The following GALNT13 variants were observed in gnomAD, a reference collection of about 807,000 sequenced individuals.
The protein encoded by GALNT13 is UDP-GalNAc:polypeptide N-acetylgalactosaminyltransferase 13.
Under a neutral mutation model 64.2 loss-of-function variants are expected in GALNT13, and 28 were observed. The observed-to-expected ratio is 0.44, with a 90% CI of 0.32 to 0.60. GALNT13 has a LOEUF of 0.60. Among genes scored for constraint, GALNT13 ranks in the 20% least tolerant of loss-of-function variants. GALNT13 has a pLI of 0.05. For missense variants in GALNT13, 577 were observed against 669.8 expected (o/e 0.86, Z 1.53); for synonymous variants, 214 against 224.6 (o/e 0.95, Z 0.42).
the GALNT13 span, among the ~76,000 whole-genome samples, chr2:153,527,255 T>A: frequency 6.6e-6 from 1 of 151,330 alleles, no homozygotes. Flanking sequence ...ATAATCAAAC[T>A]CCTAAAAATA....
chr2:153,368,931 A>T, the GALNT13 span, among the ~76,000 whole-genome samples: 1 of 152,082 alleles, frequency 6.6e-6, no homozygotes, highest in Admixed American at 6.6e-5. Context: ...GCAAAAAAAA[A>T]AACTTTAATA....
chr2:153,858,183 A>C, the GALNT13 span, among the ~76,000 whole-genome samples: 3 of 152,196 alleles, frequency 2.0e-5, no homozygotes, highest in African/African-American at 4.8e-5. Flanking sequence ...AAGAGCAACT[A>C]TATGGGATAA....
In GALNT13 at chr2:154,453,405, C is replaced by G. The variant is rs1184633124; in HGVS notation, c.*2854C>G. ...CTTTTTCTAACACCATCTCTTATCT[C>G]TCATTATTCTGCCTCTTACTTACCC... On this transcript the variant is annotated 3_prime_UTR_variant, in exon 13 of 13. Coordinates refer to ENST00000392825, the MANE Select transcript of GALNT13 (RefSeq NM_052917.4). 1 of 152,274 alleles carries G rather than the reference C, an allele frequency of 6.6e-6. No individual in the cohort carries two copies. Among genetic ancestry groups the G allele is most frequent in the East Asian group, 1.9e-4 (1 of 5,182 alleles). The allele number at this position is 152,274 out of a possible 1,614,324, so 9.4% of individuals were successfully genotyped here. A position where few individuals can be genotyped will look rare whatever the true frequency, so the allele number is the denominator to read the frequency against.
rs1193097334 is a variant in GALNT13, at chr2:154,315,750, A to T, written c.1156+14161A>T. Among the ~76,000 whole-genome samples the T allele has an allele frequency of 2.0e-5, 3 of 152,206 alleles. No individual in the cohort carries two copies. The East Asian group carries it at 5.8e-4, about 29-fold the overall frequency. On this transcript the variant is annotated intron_variant, in intron 9 of 12. Coordinates refer to ENST00000392825, the MANE Select transcript of GALNT13 (RefSeq NM_052917.4). Reference sequence around the variant, plus strand: ...AACTGGAGTTTCAAAATAATGAAAGACTTATTGTTGGTTACTTCAGTTCAG... The same window carrying T: ...AACTGGAGTTTCAAAATAATGAAAGTCTTATTGTTGGTTACTTCAGTTCAG...
chr2:153,398,667 A>T, the GALNT13 span, among the ~76,000 whole-genome samples: 169 of 152,262 alleles, frequency 1.1e-3, 1 homozygote, highest in African/African-American at 3.8e-3. Flanking sequence ...ATTTCTCTGA[A>T]GGCCAGTGAT....
chr2:153,814,683 C>T, the GALNT13 span, among the ~76,000 whole-genome samples: 3 of 152,102 alleles, frequency 2.0e-5, no homozygotes, highest in African/African-American at 7.2e-5. Flanking sequence ...ACAGAAAGGC[C>T]TCCTCTCCCT....
At chr2:153,389,774 C>A in the GALNT13 span, among the ~76,000 whole-genome samples, 3 of 151,966 alleles carry the variant, frequency 2.0e-5, no homozygotes, top group East Asian at 1.9e-4. Flanking sequence ...GGGCTAGAGG[C>A]GAATACCTGG....
chr2:153,217,732 T>G, the GALNT13 span, among the ~76,000 whole-genome samples: 3 of 152,172 alleles, frequency 2.0e-5, no homozygotes, highest in Admixed American at 6.5e-5. Context: ...TTTCCCCCTG[T>G]TTCTCTTAAA....
At chr2:153,149,178 G>A in the GALNT13 span, among the ~76,000 whole-genome samples, 5 of 151,746 alleles carry the variant, frequency 3.3e-5, no homozygotes, top group African/African-American at 1.2e-4. Flanking sequence ...AGATAATCTA[G>A]GCAGATAATT....
At chr2:153,169,946 C>G in the GALNT13 span, among the ~76,000 whole-genome samples, 3 of 151,996 alleles carry the variant, frequency 2.0e-5, no homozygotes, top group Admixed American at 2.0e-4. Flanking sequence ...ATGTAACTGC[C>G]CTTATCCAAA....
At chr2:153,639,757 G>T in the GALNT13 span, among the ~76,000 whole-genome samples, 1 of 152,162 alleles carries the variant, frequency 6.6e-6, no homozygotes, top group South Asian at 2.1e-4. Flanking sequence ...CTAAAGGGAA[G>T]GAAAATTGTA....
rs759459026 is a variant in GALNT13 at position 154,424,164 on chromosome 2, G to A, written c.1396-14428G>A. Among the ~76,000 whole-genome samples, 32 of 152,224 alleles carry A rather than the reference G, an allele frequency of 2.1e-4. No individual in the cohort carries two copies. The Middle Eastern group carries it at 0.01, about 49-fold the overall frequency. ...GAAAAAAGGAGCATGGATTGGATTCGTAGGGGAACATGATGGAAAACCTAA... is the reference window on the plus strand; with the variant it reads ...GAAAAAAGGAGCATGGATTGGATTCATAGGGGAACATGATGGAAAACCTAA... On this transcript the variant is annotated intron_variant, in intron 11 of 12. Transcript: ENST00000392825.
the GALNT13 span, among the ~76,000 whole-genome samples, chr2:153,440,527 C>T: frequency 1.3e-5 from 2 of 152,200 alleles, 1 homozygote; most frequent in South Asian, 4.1e-4. Flanking sequence ...AATCACCACA[C>T]TGTTTTCCAC....
chr2:153,559,516 G>C, the GALNT13 span, among the ~76,000 whole-genome samples: 1 of 152,082 alleles, frequency 6.6e-6, no homozygotes, highest in South Asian at 2.1e-4. Flanking sequence ...GGACTGGACT[G>C]ATATCCAGTT....
chr2:154,196,104 T>C (rs1686863781), intron 4 of GALNT13, among the ~76,000 whole-genome samples: 1 of 152,182 alleles, frequency 6.6e-6, no homozygotes, highest in African/African-American at 2.4e-5. Context: ...CACTGAGACC[T>C]ATGAACACAA....
At chr2:154,292,609 T>C (rs1254711282) in intron 8 of GALNT13, among the ~76,000 whole-genome samples, 1 of 152,216 alleles carries the variant, frequency 6.6e-6, no homozygotes, top group African/African-American at 2.4e-5. Context: ...GCTAGTAAGT[T>C]GCAGAGCTAG....
At chr2:153,202,092 C>A in the GALNT13 span, among the ~76,000 whole-genome samples, 2 of 150,426 alleles carry the variant, frequency 1.3e-5, no homozygotes, top group Admixed American at 6.7e-5. Flanking sequence ...TCACGCCATT[C>A]TCCTGCCTCA....
rs566889977 is a variant in GALNT13 at position 154,333,416 on chromosome 2, C to T, written c.1156+31827C>T. ...TCTGTAGCCAGAGATTCTAGTCCTG[C>T]GTTAAAGAACATGTATAACTCTTTT... On this transcript the variant is annotated intron_variant, in intron 9 of 12. Coordinates refer to ENST00000392825, the MANE Select transcript of GALNT13 (RefSeq NM_052917.4). 2.2e-3 allele frequency among the ~76,000 whole-genome samples: 330 copies of T among 152,018 alleles called. 4 individuals carry two copies. Among genetic ancestry groups the T allele is most frequent in the African/African-American group, 7.7e-3 (321 of 41,506 alleles).
At chr2:153,215,022 A>G in the GALNT13 span, among the ~76,000 whole-genome samples, 1 of 152,108 alleles carries the variant, frequency 6.6e-6, no homozygotes, top group East Asian at 1.9e-4. Flanking sequence ...GACCAGCTTT[A>G]TTATGACGAT....
Sources: gnomAD v4.1 joint callset for allele counts (sites outside exome capture counted in the v4.1 genomes callset) on GRCh38, gnomAD v4.1.1 for gene constraint, MANE v1.5 for transcripts, NCBI Gene and HGNC (gene_info 2026-07-23, HGNC 2026-07-21) for gene names.